NINL: variants seen among roughly 807,000 people sequenced by gnomAD.
NINL encodes ninein like.
In NINL, 153 loss-of-function variants were observed where a neutral mutation model predicts 160.3. The observed-to-expected ratio is 0.95, with a 90% CI of 0.84 to 1.09. The LOEUF (loss-of-function observed/expected upper bound fraction) is 1.09, where lower values mean the gene tolerates loss of function less well. Among genes scored for constraint, NINL ranks in the 50% least tolerant of loss-of-function variants. The pLI, the probability that NINL is intolerant of heterozygous loss-of-function variation, is 0.00. For synonymous variants in NINL, 800 were observed against 734.8 expected (o/e 1.09, Z -1.43); for missense variants, 1,829 against 1,764.0 (o/e 1.04, Z -0.66).
chr20:25,509,637 G>A (rs900850496), intron 5 of NINL: 11 of 456,502 alleles, frequency 2.4e-5, no homozygotes, highest in African/African-American at 1.4e-4. Flanking sequence ...AGAGCTCAGC[G>A]TCTGGCCACC....
At chr20:25,477,602 A>T (rs1393012496) in intron 16 of NINL, among the ~76,000 whole-genome samples, 1 of 152,240 alleles carries the variant, frequency 6.6e-6, no homozygotes, top group African/African-American at 2.4e-5. Flanking sequence ...GCAAGACCAC[A>T]GCACCAGAAG....
chr20:25,461,380 C>A, intron 21 of NINL, 142 bp downstream of exon 21: 1 of 573,084 alleles, frequency 1.7e-6, no homozygotes, highest in Non-Finnish European at 3.0e-6. Flanking sequence ...CGGTCCTGGC[C>A]CGGTAAGCAC....
chr20:25,580,280 GC>G (rs1192122380), intron 1 of NINL, among the ~76,000 whole-genome samples: 1 of 151,726 alleles, frequency 6.6e-6, no homozygotes, highest in Non-Finnish European at 1.5e-5. Context: ...GTTGCCGTGA[GC>G]CAAGATTGCG....
At chr20:25,506,811 C>G (rs2063971383) in intron 5 of NINL, among the ~76,000 whole-genome samples, 1 of 152,204 alleles carries the variant, frequency 6.6e-6, no homozygotes, top group Non-Finnish European at 1.5e-5. Context: ...GTCAAAACAT[C>G]ATGAGTCTGG....
At chr20:25,554,624 CAAAAAAAAAAACAA>C (rs1325498044) in intron 1 of NINL, among the ~76,000 whole-genome samples, 10 of 49,726 alleles carry the variant, frequency 2.0e-4, no homozygotes, top group East Asian at 2.3e-3. Flanking sequence ...TGTTCTTTAC[CAAAAAAAAAAACAA>C]AAAAAAAAAA....
chr20:25,528,561 T>C (rs2064397375), intron 1 of NINL, among the ~76,000 whole-genome samples: 1 of 152,200 alleles, frequency 6.6e-6, no homozygotes, highest in Non-Finnish European at 1.5e-5. Context: ...AATGCTTTCA[T>C]GGTATTACAC....
intron 1 of NINL, among the ~76,000 whole-genome samples, chr20:25,563,199 T>G (rs2064964753): frequency 6.6e-6 from 1 of 152,144 alleles, no homozygotes; most frequent in Non-Finnish European, 1.5e-5. Context: ...TAGACTATTT[T>G]CCTCTTCTTA....
Position 25,504,916 on chromosome 20 carries a change from C to T in NINL, c.680G>A (p.Ser227Asn). The T allele has an allele frequency of 6.2e-7, 1 of 1,611,962 alleles. No individual in the cohort carries two copies. The highest frequency in any genetic ancestry group is 8.5e-7 in the Non-Finnish European group (1 of 1,179,932). Residue 227 changes from serine to asparagine, a missense_variant, in exon 6 of 24, where the codon AGC becomes AAC. Transcript: ENST00000278886. Reference sequence around the variant, plus strand: ...TTTCTCGAGTCCCTGGAGCCCGACGCTCTGGCAGACCACAGCCAGCTCCTG... The same window carrying T: ...TTTCTCGAGTCCCTGGAGCCCGACGTTCTGGCAGACCACAGCCAGCTCCTG... ...SEQELAVVCQ[S>N]VGLQGLEKEE...
intron 5 of NINL, chr20:25,509,850 A>T: frequency 2.6e-6 from 1 of 383,904 alleles, no homozygotes; most frequent in Non-Finnish European, 5.1e-6. Context: ...TTATAGGCAA[A>T]CACAAGATAA....
intron 17 of NINL, among the ~76,000 whole-genome samples, chr20:25,475,122 G>A (rs993023159): frequency 2.6e-5 from 4 of 151,326 alleles, no homozygotes; most frequent in Admixed American, 6.6e-5. Flanking sequence ...GGTGGTGCAC[G>A]CCTGTAATCC....
intron 1 of NINL, among the ~76,000 whole-genome samples, chr20:25,577,762 C>A (rs1447705737): frequency 6.6e-6 from 1 of 152,080 alleles, no homozygotes; most frequent in Non-Finnish European, 1.5e-5. Context: ...GTGGGGCCAG[C>A]AGAAGCTCGG....
At chr20:25,489,150 TG>T (rs2146662209) in intron 13 of NINL, 93 bp downstream of exon 13, 1 of 1,195,352 alleles carries the variant, frequency 8.4e-7, no homozygotes, top group East Asian at 2.3e-5. Flanking sequence ...AGGCTCTCCC[TG>T]GAGCAGACAC....
chr20:25,581,995 C>T (rs1224038693), intron 1 of NINL, among the ~76,000 whole-genome samples: 3 of 152,148 alleles, frequency 2.0e-5, no homozygotes, highest in Non-Finnish European at 4.4e-5. Flanking sequence ...TGGTGGCTCA[C>T]GCCTGTAATC....
intron 18 of NINL, among the ~76,000 whole-genome samples, chr20:25,469,471 C>G (rs1283005211): frequency 2.1e-5 from 3 of 140,956 alleles, no homozygotes; most frequent in Admixed American, 2.1e-4. Context: ...GGTGCCCCCA[C>G]CCCCATCCTC....
Position 25,462,315 on chromosome 20 carries a change from T to C in NINL, c.3582+68A>G. Reference sequence around the variant, plus strand: ...GCTCCTCAGCGCGTGTCCTGACCTATTTGCAGCCGCCTCCCCACCCTGAGC... The same window carrying C: ...GCTCCTCAGCGCGTGTCCTGACCTACTTGCAGCCGCCTCCCCACCCTGAGC... On this transcript the variant is annotated intron_variant, in intron 20 of 23. Transcript: ENST00000278886. 2 of 1,504,858 alleles carry C rather than the reference T, an allele frequency of 1.3e-6. 1 individual carries two copies. Among genetic ancestry groups the C allele is most frequent in the South Asian group, 2.5e-5 (2 of 81,400 alleles). 93.2% of individuals were successfully genotyped at this position (1,504,858 alleles called of 1,614,324 possible). A position where few individuals can be genotyped will look rare whatever the true frequency, so the allele number is the denominator to read the frequency against.
At chr20:25,553,157 T>C (rs1444619227) in intron 1 of NINL, among the ~76,000 whole-genome samples, 26 of 137,312 alleles carry the variant, frequency 1.9e-4, no homozygotes, top group African/African-American at 7.1e-4. Flanking sequence ...CAGGCTGTTA[T>C]TCACAGGTGT....
chr20:25,483,754 C>T (rs2063449036), intron 13 of NINL, among the ~76,000 whole-genome samples: 2 of 152,254 alleles, frequency 1.3e-5, no homozygotes, highest in African/African-American at 2.4e-5. Context: ...CAGTCACTTG[C>T]TCTTTAAAGG....
intron 11 of NINL, among the ~76,000 whole-genome samples, chr20:25,490,237 C>T (rs1433130791): frequency 6.6e-6 from 1 of 152,196 alleles, no homozygotes; most frequent in Non-Finnish European, 1.5e-5. Flanking sequence ...CTCCCTTACC[C>T]TGTGCTCAGA....
Position 25,461,326 on chromosome 20 carries a change from G to A in NINL, c.3696+196C>T, listed in dbSNP as rs147649530. ...GGAGTAAACAGTCACTACTCTTCAC[G>A]GGGCTTGCTGACAGTCAAACCAACC... On this transcript the variant is annotated intron_variant, in intron 21 of 23. Coordinates refer to ENST00000278886, the MANE Select transcript of NINL (RefSeq NM_025176.6). Among the ~76,000 whole-genome samples, 208 of 152,320 alleles carry A rather than the reference G, an allele frequency of 1.4e-3. 1 individual carries two copies. The highest frequency in any genetic ancestry group is 4.7e-3 in the African/African-American group (195 of 41,568).
Sources: allele counts gnomAD v4.1 joint callset (sites outside exome capture counted in the v4.1 genomes callset), GRCh38; gene constraint gnomAD v4.1.1; transcripts MANE v1.5; gene names NCBI Gene and HGNC (gene_info 2026-07-23, HGNC 2026-07-21).